The following PARD3B variants were observed in gnomAD, a reference collection of about 807,000 sequenced individuals.
The protein encoded by PARD3B is par-3 family cell polarity regulator beta.
A neutral mutation model predicts 130.2 loss-of-function variants in PARD3B; 103 were observed. That is an observed-to-expected ratio of 0.79 (90% CI 0.67 to 0.93). The LOEUF is 0.93. PARD3B is among the 40% of genes least tolerant of loss of function. PARD3B has a pLI of 0.00. For missense variants in PARD3B, 1,609 were observed against 1,499.2 expected, an observed-to-expected ratio of 1.07 and a Z score of -1.21; for synonymous variants, 583 against 553.2, an observed-to-expected ratio of 1.05 and a Z score of -0.76.
At chr2:204,775,420 T>C (rs2041576351) in intron 2 of PARD3B, among the ~76,000 whole-genome samples, 1 of 152,134 alleles carries the variant, frequency 6.6e-6, no homozygotes, top group Admixed American at 6.6e-5. Context: ...CAAAATGTTA[T>C]CTCTTTTAAT....
chr2:204,856,582 T>G (rs1218880740), intron 2 of PARD3B, among the ~76,000 whole-genome samples: 4 of 152,182 alleles, frequency 2.6e-5, no homozygotes, highest in African/African-American at 9.7e-5. Flanking sequence ...TTTCATTGCC[T>G]GTGCTTTTGG....
At chr2:204,648,803 ATAAT>A (rs1287913869) in intron 1 of PARD3B, among the ~76,000 whole-genome samples, 2 of 14,508 alleles carry the variant, frequency 1.4e-4, no homozygotes, top group South Asian at 2.7e-3. Flanking sequence ...TATCATATAA[ATAAT>A]ATATATTTAT....
At chr2:204,863,123 T>A (rs527665846) in intron 2 of PARD3B, among the ~76,000 whole-genome samples, 1 of 152,324 alleles carries the variant, frequency 6.6e-6, no homozygotes, top group East Asian at 1.9e-4. Context: ...GGAATTTCGC[T>A]GGGGACCCTT....
intron 2 of PARD3B, among the ~76,000 whole-genome samples, chr2:204,732,674 CTG>C (rs781699601): frequency 5.3e-5 from 8 of 152,062 alleles, no homozygotes; most frequent in Non-Finnish European, 7.3e-5. Flanking sequence ...CCTTTAGAGA[CTG>C]TACCAGATTT....
intron 15 of PARD3B, among the ~76,000 whole-genome samples, chr2:205,217,504 A>G (rs1026994049): frequency 3.9e-5 from 6 of 152,112 alleles, no homozygotes; most frequent in Admixed American, 1.3e-4. Flanking sequence ...TGAGAGAATC[A>G]TAGTACCATC....
chr2:205,297,087 C>T (rs938825021), intron 16 of PARD3B, among the ~76,000 whole-genome samples: 2 of 151,858 alleles, frequency 1.3e-5, no homozygotes, highest in Admixed American at 1.3e-4. Flanking sequence ...ATCCGTTCTT[C>T]TCGATCTTAA....
chr2:205,547,074 C>G (rs2052411220), intron 21 of PARD3B, among the ~76,000 whole-genome samples: 1 of 152,046 alleles, frequency 6.6e-6, no homozygotes, highest in Non-Finnish European at 1.5e-5. Context: ...CCACCATTTT[C>G]ATTAACTAAC....
At chr2:204,797,733 T>C (rs183166744) in intron 2 of PARD3B, among the ~76,000 whole-genome samples, 130 of 152,340 alleles carry the variant, frequency 8.5e-4, no homozygotes, top group African/African-American at 2.9e-3. Flanking sequence ...TTAAAATTTT[T>C]TAAATGACGT....
intron 3 of PARD3B, among the ~76,000 whole-genome samples, chr2:205,042,505 A>G (rs1034601278): frequency 2.0e-5 from 3 of 152,146 alleles, no homozygotes; most frequent in South Asian, 2.1e-4. Context: ...GCAAGATCCT[A>G]TCTGGTGAGG....
chr2:205,496,800 C>T (rs532020308), intron 20 of PARD3B, among the ~76,000 whole-genome samples: 72 of 151,534 alleles, frequency 4.8e-4, no homozygotes, highest in South Asian at 3.5e-3. Flanking sequence ...GAAAACAGTG[C>T]TTTATCAGTT....
intron 18 of PARD3B, among the ~76,000 whole-genome samples, chr2:205,326,266 T>A (rs981046569): frequency 6.6e-5 from 10 of 152,228 alleles, no homozygotes; most frequent in Non-Finnish European, 1.0e-4. Context: ...TGACACCAAG[T>A]CTTAATGACA....
chr2:204,972,086 T>G (rs1691767111), intron 3 of PARD3B, among the ~76,000 whole-genome samples: 1 of 152,114 alleles, frequency 6.6e-6, no homozygotes, highest in Non-Finnish European at 1.5e-5. Flanking sequence ...AGTTAAAGAA[T>G]AAAGTCAATA....
In PARD3B at chr2:204,678,789, T is replaced by A. The variant is rs1488773287; in HGVS notation, c.121-7392T>A. On this transcript the variant is annotated intron_variant, in intron 1 of 22. Coordinates refer to ENST00000406610, the MANE Select transcript of PARD3B (RefSeq NM_001302769.2). The surrounding 1 kb of genome is among the most constrained non-coding windows in gnomAD (Gnocchi z 4.2). Reference sequence around the variant, plus strand: ...GCATTTGAGCTGGAAAACGGATAACTGTTTTCATTTAGGGCTGCAGATTCC... The same window carrying A: ...GCATTTGAGCTGGAAAACGGATAACAGTTTTCATTTAGGGCTGCAGATTCC... Among the ~76,000 whole-genome samples the A allele has an allele frequency of 6.6e-6, 1 of 152,122 alleles. No individual in the cohort carries two copies. The highest frequency in any genetic ancestry group is 1.5e-5 in the Non-Finnish European group (1 of 68,032).
chr2:205,385,119 T>G (rs1574880369), intron 18 of PARD3B, among the ~76,000 whole-genome samples: 1 of 152,202 alleles, frequency 6.6e-6, no homozygotes, highest in East Asian at 1.9e-4. Context: ...TAGCTTATGT[T>G]GTTTGTGAGA....
At chr2:204,930,896 C>T (rs1349016978) in intron 2 of PARD3B, among the ~76,000 whole-genome samples, 1 of 151,972 alleles carries the variant, frequency 6.6e-6, no homozygotes, top group Non-Finnish European at 1.5e-5. Context: ...ATCTAAAAAC[C>T]ACGATGAACA....
At chr2:205,396,409 A>AT (rs1166708874) in intron 18 of PARD3B, among the ~76,000 whole-genome samples, 4 of 152,190 alleles carry the variant, frequency 2.6e-5, no homozygotes, top group African/African-American at 9.6e-5. Flanking sequence ...CCTAATAAAT[A>AT]TTTTTTGAAA....
At chr2:204,889,537 A>G (rs1266669261) in intron 2 of PARD3B, among the ~76,000 whole-genome samples, 2 of 152,190 alleles carry the variant, frequency 1.3e-5, no homozygotes, top group Non-Finnish European at 2.9e-5. Flanking sequence ...CTCTTTGTGC[A>G]TTACCCATGA....
chr2:205,418,118 T>G (rs1425669072), intron 19 of PARD3B, among the ~76,000 whole-genome samples: 1 of 152,204 alleles, frequency 6.6e-6, no homozygotes, highest in East Asian at 1.9e-4. Flanking sequence ...AAATGTGTAT[T>G]TTGATGAATT....
chr2:205,440,759 C>T lies in PARD3B; in HGVS notation c.3044+87C>T, dbSNP rs1322665455. ...TGCTGAAACCGATAAAAAATGTCTC[C>T]TTCAATCAATTAAAACTGAAACGAG... On this transcript the variant is annotated intron_variant, in intron 20 of 22. Transcript: ENST00000406610. The surrounding 1 kb of genome is among the most constrained non-coding windows in gnomAD (Gnocchi z 4.2). The T allele has an allele frequency of 2.2e-6, 3 of 1,360,954 alleles. No individual in the cohort carries two copies. In the African/African-American group the frequency reaches 4.4e-5, roughly 20 times the overall value. 84.3% of individuals were successfully genotyped at this position (1,360,954 alleles called of 1,614,324 possible).
Sources: allele counts gnomAD v4.1 joint callset (sites outside exome capture counted in the v4.1 genomes callset), GRCh38; gene constraint gnomAD v4.1.1; non-coding constraint Gnocchi (gnomAD v3.1); transcripts MANE v1.5; gene names NCBI Gene and HGNC (gene_info 2026-07-23, HGNC 2026-07-21).